Variants in TBC1D19 observed in about 807,000 individuals in gnomAD.
The protein encoded by TBC1D19 is TBC1 domain family, member 19.
In TBC1D19, 60 loss-of-function variants were observed where a neutral mutation model predicts 89.0. The observed-to-expected ratio is 0.67, with a 90% CI of 0.55 to 0.84. The LOEUF (loss-of-function observed/expected upper bound fraction) is 0.84, where lower values mean the gene tolerates loss of function less well. Among genes scored for constraint, TBC1D19 ranks in the 40% least tolerant of loss-of-function variants. The pLI is 0.00. For synonymous variants in TBC1D19, 189 were observed against 199.7 expected (o/e 0.95, Z 0.45); for missense variants, 500 against 610.8 (o/e 0.82, Z 1.91).
intron 7 of TBC1D19, among the ~76,000 whole-genome samples, chr4:26,657,331 C>G (rs1245908967): frequency 6.6e-6 from 1 of 151,942 alleles, no homozygotes; most frequent in Non-Finnish European, 1.5e-5. Flanking sequence ...TGAGAACATA[C>G]AGTGTTTGGT....
chr4:26,633,209 C>G (rs542963430), intron 4 of TBC1D19, among the ~76,000 whole-genome samples: 22 of 152,196 alleles, frequency 1.4e-4, no homozygotes, highest in African/African-American at 5.1e-4. Context: ...TCATGATGAT[C>G]TCTGTATTGG....
At position 26,584,084 on chromosome 4, in the gene TBC1D19, A is replaced by T; in HGVS notation, c.-110A>T. Reference sequence around the variant, plus strand: ...TGGTAACGCCCGCTGGAGGAGTCCCAGTGTAATAAGGTCCCGGAGAAGTGT... The same window carrying T: ...TGGTAACGCCCGCTGGAGGAGTCCCTGTGTAATAAGGTCCCGGAGAAGTGT... On this transcript the variant is annotated 5_prime_UTR_variant, in exon 1 of 21. Coordinates refer to ENST00000264866, the MANE Select transcript of TBC1D19 (RefSeq NM_018317.4). The T allele has an allele frequency of 9.5e-7, 1 of 1,056,916 alleles. No homozygotes were observed. Among genetic ancestry groups the T allele is most frequent in the Non-Finnish European group, 1.4e-6 (1 of 712,702 alleles). The allele number at this position is 1,056,916 out of a possible 1,614,324, so 65.5% of individuals were successfully genotyped here.
chr4:26,659,164 C>T (rs534834314), intron 7 of TBC1D19, among the ~76,000 whole-genome samples: 1 of 152,138 alleles, frequency 6.6e-6, no homozygotes, highest in East Asian at 1.9e-4. Context: ...CTTACTTCAT[C>T]ATCTTTCTAC....
At chr4:26,736,628 T>A (rs1293074361) in intron 16 of TBC1D19, among the ~76,000 whole-genome samples, 1 of 152,214 alleles carries the variant, frequency 6.6e-6, no homozygotes, top group Non-Finnish European at 1.5e-5. Flanking sequence ...TATTAATATT[T>A]AGCTCTAATA....
intron 13 of TBC1D19, among the ~76,000 whole-genome samples, chr4:26,698,262 A>G (rs1714991302): frequency 1.3e-5 from 2 of 152,208 alleles, no homozygotes; most frequent in African/African-American, 4.8e-5. Context: ...CCCATTCACA[A>G]TTGCTTCAAA....
intron 1 of TBC1D19, among the ~76,000 whole-genome samples, chr4:26,592,103 A>C (rs1270252582): frequency 6.6e-6 from 1 of 152,232 alleles, no homozygotes; most frequent in Non-Finnish European, 1.5e-5. Context: ...AATACTGGCA[A>C]ACCGAATCCA....
intron 13 of TBC1D19, among the ~76,000 whole-genome samples, chr4:26,703,735 C>T (rs370833704): frequency 2.6e-5 from 4 of 151,022 alleles, no homozygotes; most frequent in African/African-American, 4.9e-5. Flanking sequence ...GGGTGGATCA[C>T]GAGGTCAGGA....
the TBC1D19 span, among the ~76,000 whole-genome samples, chr4:26,831,133 G>GA: frequency 6.6e-6 from 1 of 151,976 alleles, no homozygotes. Flanking sequence ...TTTCTCTAGG[G>GA]AAAAAACCTC....
chr4:26,818,054 G>A, the TBC1D19 span, among the ~76,000 whole-genome samples: 1 of 150,364 alleles, frequency 6.7e-6, no homozygotes, highest in Admixed American at 6.6e-5. Flanking sequence ...ATACTGTGGG[G>A]GTGTGGTTTG....
At chr4:26,767,225 C>T in the TBC1D19 span, among the ~76,000 whole-genome samples, 2 of 152,174 alleles carry the variant, frequency 1.3e-5, no homozygotes, top group African/African-American at 4.8e-5. Context: ...GTATTTTCCT[C>T]ATGGAGATTT....
the TBC1D19 span, among the ~76,000 whole-genome samples, chr4:26,842,582 C>CCCTTCCTTCCTTTCTTTCTTTCTTTCTT: frequency 8.4e-5 from 8 of 95,462 alleles, no homozygotes; most frequent in Non-Finnish European, 1.5e-4. Flanking sequence ...CTTCCTCCCT[C>CCCTTCCTTCCTTTCTTTCTTTCTTTCTT]CCTTTCTTTC....
chr4:26,592,237 C>G (rs1739864297), intron 1 of TBC1D19, among the ~76,000 whole-genome samples: 1 of 152,222 alleles, frequency 6.6e-6, no homozygotes, highest in Admixed American at 6.5e-5. Context: ...TGACAAAAAC[C>G]ACATGATTAT....
chr4:26,803,920 C>CG, the TBC1D19 span, among the ~76,000 whole-genome samples: 117 of 18,830 alleles, frequency 6.2e-3, 5 homozygotes, highest in East Asian at 0.15. Flanking sequence ...GAGAAGGGGA[C>CG]GGGGGAGGGG....
the TBC1D19 span, among the ~76,000 whole-genome samples, chr4:26,805,432 C>T: frequency 2.0e-5 from 3 of 152,208 alleles, no homozygotes; most frequent in Non-Finnish European, 4.4e-5. Context: ...CCCGCAGCTT[C>T]AAGGACCACT....
chr4:26,841,925 C>A, the TBC1D19 span, among the ~76,000 whole-genome samples: 7 of 152,230 alleles, frequency 4.6e-5, no homozygotes, highest in Admixed American at 4.6e-4. Context: ...CAGTAAAATT[C>A]ATGCCAGTAA....
intron 10 of TBC1D19, among the ~76,000 whole-genome samples, chr4:26,673,172 T>C (rs1467511114): frequency 6.6e-6 from 1 of 151,754 alleles, no homozygotes; most frequent in Non-Finnish European, 1.5e-5. Context: ...TGAGCCTTCT[T>C]GCAAGGTTAT....
intron 1 of TBC1D19, among the ~76,000 whole-genome samples, chr4:26,600,804 CAGAACTTTCCATCTGAAACT>C (rs1560408541): frequency 6.6e-6 from 1 of 152,142 alleles, no homozygotes; most frequent in South Asian, 2.1e-4. Flanking sequence ...TTTGCAGAGC[CAGAACTTTCCATCTGAAACT>C]AGAGCTTATT....
intron 4 of TBC1D19, among the ~76,000 whole-genome samples, chr4:26,631,423 A>G (rs917143351): frequency 6.6e-6 from 1 of 152,072 alleles, no homozygotes; most frequent in East Asian, 1.9e-4. Context: ...ATGCTGTTTT[A>G]TTCATCTTTA....
At chr4:26,856,941 G>A in the TBC1D19 span, among the ~76,000 whole-genome samples, 1 of 152,186 alleles carries the variant, frequency 6.6e-6, no homozygotes, top group Admixed American at 6.5e-5. Flanking sequence ...AACTATGTTA[G>A]TTAAATCTAG....
Sources: gnomAD v4.1 joint callset for allele counts (sites outside exome capture counted in the v4.1 genomes callset) on GRCh38, gnomAD v4.1.1 for gene constraint, MANE v1.5 for transcripts, NCBI Gene and HGNC (gene_info 2026-07-23, HGNC 2026-07-21) for gene names.